Variants in PGBD1 observed in about 807,000 individuals in gnomAD.
The protein encoded by PGBD1 is piggyBac transposable element-derived protein 1.
A neutral mutation model predicts 34.7 loss-of-function variants in PGBD1; 25 were observed. The ratio of observed to expected loss-of-function variants is 0.72; its 90% confidence interval spans 0.52 to 1.00. The LOEUF is 1.00. PGBD1 is among the 50% of genes least tolerant of loss of function. The probability of loss-of-function intolerance (pLI) is 0.00; values close to 1 mark genes in which losing one functional copy is unlikely to be tolerated. For missense variants in PGBD1, 830 were observed against 959.4 expected (o/e 0.87, Z 1.78); for synonymous variants, 292 against 335.7 (o/e 0.87, Z 1.42).
rs1321869196 is a variant in PGBD1, at chr6:28,302,309, G to A, written c.*25G>A. 6.3e-7 allele frequency: 1 copy of A among 1,582,296 alleles called. No homozygotes were observed. The highest frequency in any genetic ancestry group is 1.8e-5 in the Admixed American group (1 of 55,810). On this transcript the variant is annotated 3_prime_UTR_variant, in exon 7 of 7. Transcript: ENST00000682144. ...GGGTACATAAAATGGACATAGTGCA[G>A]ACATTAATAAGACATAGAAAAATAA...
In PGBD1 at chr6:28,284,122, T is replaced by G. The variant is rs1197248545; in HGVS notation, c.309T>G (p.Cys103Trp). The change falls in exon 2 of 7, where the codon TGT becomes TGG. Residue 103 changes from cysteine to tryptophan, a missense_variant. Coordinates refer to ENST00000682144, the MANE Select transcript of PGBD1 (RefSeq NM_032507.4). ...TCCTGCCCAAGGAGCTCCAGCCCTG[T>G]GTGAAGACATATCCTCTGGAGAGTG... The part of the protein sequence containing the change: ...LTILPKELQP[C>W]VKTYPLESGE... The G allele has an allele frequency of 6.2e-7, 1 of 1,613,772 alleles. No individual in the cohort carries two copies. Among genetic ancestry groups the G allele is most frequent in the Non-Finnish European group, 8.5e-7 (1 of 1,179,822 alleles).
chr6:28,285,319 G>C (rs891954347), intron 2 of PGBD1, among the ~76,000 whole-genome samples: 2 of 152,150 alleles, frequency 1.3e-5, no homozygotes, highest in Admixed American at 1.3e-4. Flanking sequence ...TAATTACTAA[G>C]TAATCTGTGG....
At chr6:28,284,782 A>G (rs1038934211) in intron 2 of PGBD1, among the ~76,000 whole-genome samples, 2 of 152,064 alleles carry the variant, frequency 1.3e-5, no homozygotes, top group African/African-American at 2.4e-5. Context: ...TGGCCTCCCA[A>G]AGTGTTGGGA....
chr6:28,296,067 G>A (rs1477833261), intron 4 of PGBD1, among the ~76,000 whole-genome samples: 4 of 152,192 alleles, frequency 2.6e-5, no homozygotes, highest in Non-Finnish European at 5.9e-5. Flanking sequence ...CCATGTGGTA[G>A]CCTTTTGGGA....
intron 2 of PGBD1, 115 bp downstream of exon 2, chr6:28,284,324 G>A: frequency 8.4e-7 from 1 of 1,195,456 alleles, no homozygotes; most frequent in South Asian, 2.0e-5. Context: ...TAGAAGAATA[G>A]AGAACTCCCG....
rs770269579 is a variant in PGBD1, at chr6:28,301,150, C to T, written c.1296C>T (p.Phe432=). ...AATTATTTTTTGATGATGAAACATT[C>T]AACTTAATTGTCAATGAAACCAATA... The part of the protein sequence containing the change: ...LFELFFDDET[F]NLIVNETNNY... The change falls in exon 7 of 7, where the codon TTC becomes TTT. Residue 432 remains phenylalanine, a synonymous_variant. Coordinates refer to ENST00000682144, the MANE Select transcript of PGBD1 (RefSeq NM_032507.4). 1 of 1,614,020 alleles carries T rather than the reference C, an allele frequency of 6.2e-7. No individual in the cohort carries two copies. The highest frequency in any genetic ancestry group is 1.1e-5 in the South Asian group (1 of 91,056).
In PGBD1 at chr6:28,284,181, AGACAG is replaced by A; in HGVS notation, c.371_375del (p.Thr124LysfsTer46). 1 of 1,569,366 alleles carries A rather than the reference AGACAG, an allele frequency of 6.4e-7. No individual in the cohort carries two copies. The highest frequency in any genetic ancestry group is 8.7e-7 in the Non-Finnish European group (1 of 1,155,322). On this transcript the variant is annotated frameshift_variant, in exon 2 of 7. Coordinates refer to ENST00000682144, the MANE Select transcript of PGBD1 (RefSeq NM_032507.4). LOFTEE classifies it high-confidence loss of function. ...GCAGTGACAGTGCTGGAGAATCTAG[AGACAG>A]GAAGTGGAGACACAGGACAACAGGT...
intron 1 of PGBD1, among the ~76,000 whole-genome samples, chr6:28,283,505 A>G (rs1255461169): frequency 6.6e-6 from 1 of 152,236 alleles, no homozygotes; most frequent in East Asian, 1.9e-4. Context: ...CCCTCTCCCC[A>G]GCTGAAGTGC....
At chr6:28,285,424 G>C in intron 2 of PGBD1, 127 bp from the exon 3 acceptor site, 1 of 989,934 alleles carries the variant, frequency 1.0e-6, no homozygotes, top group Non-Finnish European at 1.4e-6. Context: ...GTTTTTCTGG[G>C]CTGGGATCCT....
intron 5 of PGBD1, 39 bp from the exon 6 acceptor site, chr6:28,297,856 A>T: frequency 1.8e-6 from 1 of 540,596 alleles, no homozygotes; most frequent in Non-Finnish European, 3.3e-6. Flanking sequence ...CAAAATTCAC[A>T]TAACAGATGA....
chr6:28,284,276 C>T (rs967928259), intron 2 of PGBD1, 67 bp downstream of exon 2: 12 of 1,415,580 alleles, frequency 8.5e-6, no homozygotes, highest in African/African-American at 5.7e-5. Flanking sequence ...TTATTTTTAA[C>T]GTTTTATTTT....
rs115301752 is a variant in PGBD1 at position 28,302,497 on chromosome 6, C to T, written c.*213C>T. 0.025 allele frequency: 12,311 copies of T among 498,964 alleles called. 247 individuals are homozygous for T. The highest frequency in any genetic ancestry group is 0.069 in the Middle Eastern group (129 of 1,870). The allele number at this position is 498,964 out of a possible 1,614,324, so 30.9% of individuals were successfully genotyped here. Reference sequence around the variant, plus strand: ...GAGAATGTTGAACTGTAGTACCTTTCTCTATGTCAAGTTTTGTGTCAGACA... The same window carrying T: ...GAGAATGTTGAACTGTAGTACCTTTTTCTATGTCAAGTTTTGTGTCAGACA... On this transcript the variant is annotated 3_prime_UTR_variant, in exon 7 of 7. Coordinates refer to ENST00000682144, the MANE Select transcript of PGBD1 (RefSeq NM_032507.4).
intron 4 of PGBD1, 89 bp from the exon 5 acceptor site, chr6:28,296,727 G>C: frequency 6.9e-7 from 1 of 1,448,814 alleles, no homozygotes; most frequent in Non-Finnish European, 9.5e-7. Context: ...TGGGACTACC[G>C]GTCTACAGCG....
intron 4 of PGBD1, among the ~76,000 whole-genome samples, chr6:28,294,617 T>C (rs1762572928): frequency 6.6e-6 from 1 of 152,202 alleles, no homozygotes; most frequent in African/African-American, 2.4e-5. Context: ...AGAATTATGC[T>C]AAACCTACTC....
intron 4 of PGBD1, among the ~76,000 whole-genome samples, chr6:28,291,075 G>T (rs1762434453): frequency 4.2e-5 from 5 of 118,308 alleles, no homozygotes; most frequent in Non-Finnish European, 8.3e-5. Flanking sequence ...ACTGAAATTA[G>T]TAGAAGGAAA....
In PGBD1 at chr6:28,300,894, A is replaced by G; in HGVS notation, c.1040A>G (p.Lys347Arg). ...DITRKGRKKD[K>R]ARVSELLQGL... ...ACCCGAAAAGGGAGAAAAAAAGACAAAGCTCGAGTGAGTGAACTGCTCCAA... is the reference window on the plus strand; with the variant it reads ...ACCCGAAAAGGGAGAAAAAAAGACAGAGCTCGAGTGAGTGAACTGCTCCAA... The change falls in exon 7 of 7, where the codon AAA becomes AGA. Residue 347 changes from lysine (K) to arginine (R), a missense_variant. Coordinates refer to ENST00000682144, the MANE Select transcript of PGBD1 (RefSeq NM_032507.4). The surrounding 1 kb of genome is among the most constrained non-coding windows in gnomAD (Gnocchi z 4.0). 6.2e-7 allele frequency: 1 copy of G among 1,614,154 alleles called. No homozygotes were observed. Among genetic ancestry groups the G allele is most frequent in the Non-Finnish European group, 8.5e-7 (1 of 1,180,022 alleles).
chr6:28,291,558 A>AAAT (rs1762452935), intron 4 of PGBD1, among the ~76,000 whole-genome samples: 1 of 151,830 alleles, frequency 6.6e-6, no homozygotes, highest in African/African-American at 2.4e-5. Context: ...TTCAAAAAAA[A>AAAT]AAAAAAAAAT....
chr6:28,296,406 A>G (rs2113754336), intron 4 of PGBD1, among the ~76,000 whole-genome samples: 1 of 152,350 alleles, frequency 6.6e-6, no homozygotes, highest in South Asian at 2.1e-4. Context: ...AATGTCTTTA[A>G]TCGATGTAAG....
Position 28,284,204 on chromosome 6 carries a change from C to A in PGBD1, c.391C>A (p.Gln131Lys). The A allele has an allele frequency of 6.5e-7, 1 of 1,542,256 alleles. No homozygotes were observed. Among genetic ancestry groups the A allele is most frequent in the Non-Finnish European group, 8.8e-7 (1 of 1,141,976 alleles). The stretch of plus-strand genomic sequence containing the variant: ...AGAGACAGGAAGTGGAGACACAGGA[C>A]AACAGGTGGGAAGAGAATGTGTGTG... ...NLETGSGDTG[Q>K]QASVYIQGQD... The change falls in exon 2 of 7, where the codon CAA (glutamine) becomes AAA (lysine). Residue 131 changes from glutamine (Q) to lysine (K), a missense_variant. Physicochemically the swap from Gln to Lys is moderately conservative, Grantham distance 53 (BLOSUM62 1). Coordinates refer to ENST00000682144, the MANE Select transcript of PGBD1 (RefSeq NM_032507.4).
Sources: allele counts gnomAD v4.1 joint callset (sites outside exome capture counted in the v4.1 genomes callset), GRCh38; gene constraint gnomAD v4.1.1; non-coding constraint Gnocchi (gnomAD v3.1); transcripts MANE v1.5; gene names NCBI Gene and HGNC (gene_info 2026-07-23, HGNC 2026-07-21).